Variants in PARD3B observed in about 807,000 individuals in gnomAD.
The protein encoded by PARD3B is par-3 family cell polarity regulator beta.
In PARD3B, 103 loss-of-function variants were observed where a neutral mutation model predicts 130.2. The ratio of observed to expected loss-of-function variants is 0.79; its 90% CI spans 0.67 to 0.93. The LOEUF is 0.93. Ranked by LOEUF, PARD3B falls within the 40% of genes least tolerant of loss-of-function variation. The pLI is 0.00. For synonymous variants in PARD3B, 583 were observed against 553.2 expected (o/e 1.05, Z -0.76); for missense variants, 1,609 against 1,499.2 (o/e 1.07, Z -1.21).
Position 205,532,982 on chromosome 2 carries a change from C to A in PARD3B, c.3181-20342C>A, listed in dbSNP as rs150595480. On this transcript the variant is annotated intron_variant, in intron 21 of 22. Transcript: ENST00000406610. ...ATATTTAGCAATCAGTGTGTGTGTT[C>A]TGCTTTTGCCAGGAGGAATTCCTTT... is the stretch of plus-strand genomic sequence containing the variant. Among the ~76,000 whole-genome samples, 8 of 152,212 alleles carry A rather than the reference C, an allele frequency of 5.3e-5. No homozygotes were observed. The East Asian group carries it at 1.5e-3, about 29-fold the overall frequency.
At chr2:205,581,297 TAGATAG>T (rs200234043) in intron 22 of PARD3B, among the ~76,000 whole-genome samples, 1,343 of 106,182 alleles carry the variant, frequency 0.013, 29 homozygotes, top group African/African-American at 0.043. Context: ...TAGATAGATA[TAGATAG>T]ATAGATAGAT....
At chr2:205,435,412 C>T (rs2047478747) in intron 19 of PARD3B, among the ~76,000 whole-genome samples, 1 of 151,718 alleles carries the variant, frequency 6.6e-6, no homozygotes, top group Admixed American at 6.6e-5. Flanking sequence ...TTTTTGATAC[C>T]TGGGATCCTT....
chr2:204,614,587 G>C (rs2125120246), intron 1 of PARD3B, among the ~76,000 whole-genome samples: 1 of 152,248 alleles, frequency 6.6e-6, no homozygotes, highest in African/African-American at 2.4e-5. Context: ...CTAGGTCTGT[G>C]TCCCCACCCA....
Position 204,669,165 on chromosome 2 carries a change from G to A in PARD3B, c.121-17016G>A, listed in dbSNP as rs1407731948. Among the ~76,000 whole-genome samples, 1 of 152,100 alleles carries A rather than the reference G, an allele frequency of 6.6e-6. No individual in the cohort carries two copies. Among genetic ancestry groups the A allele is most frequent in the Non-Finnish European group, 1.5e-5 (1 of 67,998 alleles). ...TAAGTTGGTAGGTAATTTGTAACCG[G>A]AGAAATAGGAAACCAGTAGAACCCT... On this transcript the variant is annotated intron_variant, in intron 1 of 22. Transcript: ENST00000406610. This position sits in a 1 kb window ranked among gnomAD's most constrained non-coding sequence, Gnocchi z 4.3.
At chr2:205,413,254 A>G (rs2046661469) in intron 19 of PARD3B, among the ~76,000 whole-genome samples, 1 of 152,238 alleles carries the variant, frequency 6.6e-6, no homozygotes, top group Non-Finnish European at 1.5e-5. Flanking sequence ...TGCTTGGCAC[A>G]TAATAGATAC....
At chr2:205,108,623 C>T (rs2125586425) in intron 5 of PARD3B, among the ~76,000 whole-genome samples, 1 of 152,226 alleles carries the variant, frequency 6.6e-6, no homozygotes, top group Non-Finnish European at 1.5e-5. Flanking sequence ...ATCCCCTCAC[C>T]TATCTTTTCT....
rs919029835 is a variant in PARD3B at position 205,446,771 on chromosome 2, A to G, written c.3044+6099A>G. 6.6e-6 allele frequency among the ~76,000 whole-genome samples: 1 copy of G among 152,222 alleles called. No homozygotes were observed. The highest frequency in any genetic ancestry group is 1.5e-5 in the Non-Finnish European group (1 of 68,038). ...CCAGGATTTGAACGTAGCATGGGTTAAATCCTGCCCTCAAAGCCTGACAAT... is the reference window on the plus strand; with the variant it reads ...CCAGGATTTGAACGTAGCATGGGTTGAATCCTGCCCTCAAAGCCTGACAAT... On this transcript the variant is annotated intron_variant, in intron 20 of 22. Coordinates refer to ENST00000406610, the MANE Select transcript of PARD3B (RefSeq NM_001302769.2). This position sits in a 1 kb window ranked among gnomAD's most constrained non-coding sequence, Gnocchi z 4.4.
intron 16 of PARD3B, among the ~76,000 whole-genome samples, chr2:205,255,224 A>G (rs901336976): frequency 6.6e-6 from 1 of 152,062 alleles, no homozygotes; most frequent in Admixed American, 6.5e-5. Flanking sequence ...TTTAACTTCA[A>G]GTGTCTCTAG....
rs544548212 is a variant in PARD3B at position 204,876,004 on chromosome 2, C to T, written c.223-89148C>T. ...GGATCCACTCCTTCACTGGCTTCTC[C>T]GAAAGCCTTTTTAGGACCTGGATTT... is the stretch of plus-strand genomic sequence containing the variant. On this transcript the variant is annotated intron_variant, in intron 2 of 22. Transcript: ENST00000406610. Among the ~76,000 whole-genome samples the T allele has an allele frequency of 3.5e-4, 53 of 152,226 alleles. 1 individual carries two copies. Among genetic ancestry groups the T allele is most frequent in the African/African-American group, 1.0e-3 (43 of 41,544 alleles).
chr2:204,878,171 TAG>T (rs1469371728), intron 2 of PARD3B, among the ~76,000 whole-genome samples: 2 of 152,272 alleles, frequency 1.3e-5, no homozygotes, highest in East Asian at 3.9e-4. Context: ...TGTTATAGCA[TAG>T]AGTTAGTGTT....
intron 2 of PARD3B, among the ~76,000 whole-genome samples, chr2:204,688,124 A>C (rs1302011300): frequency 6.6e-6 from 1 of 152,196 alleles, no homozygotes; most frequent in African/African-American, 2.4e-5. Context: ...TAATCAGTTA[A>C]AATCCTAGCT....
chr2:204,922,099 A>T (rs75983949), intron 2 of PARD3B, among the ~76,000 whole-genome samples: 1,637 of 152,250 alleles, frequency 0.011, 34 homozygotes, highest in African/African-American at 0.037. Flanking sequence ...AGTTTGCATT[A>T]TGCTGAATTT....
intron 2 of PARD3B, among the ~76,000 whole-genome samples, chr2:204,922,877 A>G (rs908833217): frequency 7.9e-5 from 12 of 152,114 alleles, no homozygotes; most frequent in Admixed American, 2.6e-4. Context: ...TTATTTGGGT[A>G]TCACACAGGC....
chr2:204,772,851 A>C (rs1231321636), intron 2 of PARD3B, among the ~76,000 whole-genome samples: 1 of 152,082 alleles, frequency 6.6e-6, no homozygotes, highest in Non-Finnish European at 1.5e-5. Context: ...GGAATAAGTA[A>C]ATGAGTGTAT....
rs552044338 is a variant in PARD3B at position 205,240,792 on chromosome 2, A to G, written c.2141-4986A>G. Among the ~76,000 whole-genome samples, 3 of 152,344 alleles carry G rather than the reference A, an allele frequency of 2.0e-5. 1 individual carries two copies. The highest frequency in any genetic ancestry group is 7.2e-5 in the African/African-American group (3 of 41,594). ...GAATGCGTATCAAATGCTATCAATAAGCAAGGGGATTGTTTTCCCCCAGTG... is the reference window on the plus strand; with the variant it reads ...GAATGCGTATCAAATGCTATCAATAGGCAAGGGGATTGTTTTCCCCCAGTG... On this transcript the variant is annotated intron_variant, in intron 15 of 22. Coordinates refer to ENST00000406610, the MANE Select transcript of PARD3B (RefSeq NM_001302769.2).
chr2:205,082,951 G>A (rs371325352), intron 4 of PARD3B, among the ~76,000 whole-genome samples: 22 of 141,156 alleles, frequency 1.6e-4, no homozygotes, highest in African/African-American at 5.8e-4. Context: ...ACACAGTCTC[G>A]CTCTATCGCC....
intron 4 of PARD3B, among the ~76,000 whole-genome samples, chr2:205,052,013 A>T (rs1333483967): frequency 6.6e-6 from 1 of 152,116 alleles, no homozygotes; most frequent in Non-Finnish European, 1.5e-5. Flanking sequence ...TAGAAACAGG[A>T]TATTTTGGTG....
At chr2:204,858,329 C>T (rs1388162125) in intron 2 of PARD3B, among the ~76,000 whole-genome samples, 5 of 151,796 alleles carry the variant, frequency 3.3e-5, no homozygotes, top group African/African-American at 7.3e-5. Context: ...AGGTATTTAT[C>T]GGTAAAGAAA....
chr2:205,579,268 G>A (rs1348566668), intron 22 of PARD3B, among the ~76,000 whole-genome samples: 1 of 152,168 alleles, frequency 6.6e-6, no homozygotes, highest in Non-Finnish European at 1.5e-5. Context: ...AAAACCCTGA[G>A]TGGCCCATTT....
Sources: allele counts gnomAD v4.1 joint callset (sites outside exome capture counted in the v4.1 genomes callset), GRCh38; gene constraint gnomAD v4.1.1; non-coding constraint Gnocchi (gnomAD v3.1); transcripts MANE v1.5; gene names NCBI Gene and HGNC (gene_info 2026-07-23, HGNC 2026-07-21).